Variants in COL19A1 observed in about 807,000 individuals in gnomAD.
The protein encoded by COL19A1 is collagen type XIX alpha 1 chain, also known as collagen alpha-1(XIX) chain.
A neutral mutation model predicts 190.2 loss-of-function variants in COL19A1; 159 were observed. The observed-to-expected ratio is 0.84, with a 90% confidence interval of 0.73 to 0.95. The LOEUF is 0.95. Among genes scored for constraint, COL19A1 ranks in the 40% least tolerant of loss-of-function variants. The pLI is 0.00. For synonymous variants in COL19A1, 509 were observed against 458.9 expected (o/e 1.11, Z -1.39); for missense variants, 1,418 against 1,431.9 (o/e 0.99, Z 0.16).
intron 11 of COL19A1, among the ~76,000 whole-genome samples, chr6:70,002,731 TA>T (rs1343040689): frequency 6.6e-6 from 1 of 151,346 alleles, no homozygotes; most frequent in African/African-American, 2.4e-5. Context: ...TGTCACTTTT[TA>T]TTGTGTCTAT....
At position 70,188,366 on chromosome 6, in the gene COL19A1, G is replaced by A. The variant is rs968051686; in HGVS notation, c.3027+121G>A. ...AACAAACCTAAACTGGTCCCCGTGAGGGCAATAATAGCTGTCATTTAAAGT... is the reference window on the plus strand; with the variant it reads ...AACAAACCTAAACTGGTCCCCGTGAAGGCAATAATAGCTGTCATTTAAAGT... On this transcript the variant is annotated intron_variant, in intron 47 of 50. Coordinates refer to ENST00000620364, the MANE Select transcript of COL19A1 (RefSeq NM_001858.6). 11 of 1,160,882 alleles carry A rather than the reference G, an allele frequency of 9.5e-6. No individual in the cohort carries two copies. In the African/African-American group the frequency reaches 1.7e-4, roughly 18 times the overall value. 71.9% of individuals were successfully genotyped at this position (1,160,882 alleles called of 1,614,324 possible).
chr6:69,987,888 G>A (rs570903046), intron 11 of COL19A1, among the ~76,000 whole-genome samples: 4 of 152,098 alleles, frequency 2.6e-5, no homozygotes, highest in African/African-American at 9.7e-5. Flanking sequence ...TACAGTAAAA[G>A]GGAAATGTGA....
chr6:70,158,556 CGTT>C (rs1331680800), intron 34 of COL19A1, among the ~76,000 whole-genome samples: 2 of 152,026 alleles, frequency 1.3e-5, no homozygotes, highest in Non-Finnish European at 2.9e-5. Flanking sequence ...TTTTCACAGA[CGTT>C]GTTGCACAGC....
At chr6:69,955,577 AAG>A (rs1343942216) in intron 9 of COL19A1, among the ~76,000 whole-genome samples, 6 of 91,590 alleles carry the variant, frequency 6.6e-5, no homozygotes, top group Non-Finnish European at 9.7e-5. Flanking sequence ...AAGAGAGAGA[AAG>A]AGAGAGAGAG....
chr6:70,069,178 A>G (rs1474298971), intron 15 of COL19A1, among the ~76,000 whole-genome samples: 2 of 152,152 alleles, frequency 1.3e-5, no homozygotes, highest in Non-Finnish European at 2.9e-5. Context: ...ACTAAATAGT[A>G]CAGGTACTGT....
chr6:70,043,162 A>G (rs1779716115), intron 14 of COL19A1, among the ~76,000 whole-genome samples: 1 of 150,966 alleles, frequency 6.6e-6, no homozygotes, highest in Non-Finnish European at 1.5e-5. Flanking sequence ...CTATCTATGC[A>G]GCTATAGCCT....
chr6:70,046,404 A>G (rs568298957), intron 14 of COL19A1, among the ~76,000 whole-genome samples: 142 of 152,300 alleles, frequency 9.3e-4, no homozygotes, highest in African/African-American at 3.3e-3. Context: ...ACAATGGCCT[A>G]CAAAGTCTTA....
intron 18 of COL19A1, among the ~76,000 whole-genome samples, chr6:70,135,017 T>C (rs1785759854): frequency 6.6e-6 from 1 of 152,198 alleles, no homozygotes; most frequent in Non-Finnish European, 1.5e-5. Context: ...TCGGGGTCCT[T>C]ATGACCCCGT....
At chr6:70,062,686 A>T (rs939896766) in intron 14 of COL19A1, among the ~76,000 whole-genome samples, 2 of 152,180 alleles carry the variant, frequency 1.3e-5, no homozygotes, top group Non-Finnish European at 2.9e-5. Context: ...ACAGACTGGC[A>T]AATTGGATAA....
At chr6:70,175,448 C>T (rs577047799) in intron 41 of COL19A1, among the ~76,000 whole-genome samples, 16 of 151,784 alleles carry the variant, frequency 1.1e-4, no homozygotes, top group African/African-American at 3.9e-4. Flanking sequence ...TTATATAAAT[C>T]TATGTGGAAT....
intron 3 of COL19A1, among the ~76,000 whole-genome samples, chr6:69,899,819 C>G (rs2149972549): frequency 6.6e-6 from 1 of 152,176 alleles, no homozygotes; most frequent in Non-Finnish European, 1.5e-5. Flanking sequence ...GTATGCATTT[C>G]CTGTCATCAA....
intron 12 of COL19A1, among the ~76,000 whole-genome samples, chr6:70,025,945 GAGA>G (rs1374529954): frequency 3.9e-5 from 6 of 152,206 alleles, no homozygotes; most frequent in South Asian, 2.1e-4. Context: ...CGTTCTGTGT[GAGA>G]AGGATACTAA....
chr6:69,903,553 C>T (rs575698660), intron 4 of COL19A1, among the ~76,000 whole-genome samples: 5 of 152,282 alleles, frequency 3.3e-5, no homozygotes, highest in Non-Finnish European at 7.4e-5. Context: ...GCCTGAAGGG[C>T]AGCATACGCA....
At chr6:70,023,220 G>A (rs1007902460) in intron 11 of COL19A1, among the ~76,000 whole-genome samples, 1 of 146,040 alleles carries the variant, frequency 6.8e-6, no homozygotes. Context: ...TGCAACCTCC[G>A]CCTCCCAGGT....
intron 18 of COL19A1, among the ~76,000 whole-genome samples, chr6:70,137,398 T>C (rs1255272411): frequency 1.3e-5 from 2 of 152,196 alleles, no homozygotes; most frequent in Admixed American, 1.3e-4. Context: ...TTTTCTCCTC[T>C]AGATAGATAT....
chr6:70,035,812 C>T lies in COL19A1; in HGVS notation c.1135-92C>T, dbSNP rs1779321859. 4.1e-6 allele frequency: 4 copies of T among 971,944 alleles called. No individual in the cohort carries two copies. The Admixed American group carries it at 8.9e-5, about 22-fold the overall frequency. The allele number at this position is 971,944 out of a possible 1,614,324, so 60.2% of individuals were successfully genotyped here. On this transcript the variant is annotated intron_variant, in intron 13 of 50. Coordinates refer to ENST00000620364, the MANE Select transcript of COL19A1 (RefSeq NM_001858.6). ...TATTTTTCTATTCTTCAAGATTTAT[C>T]TCTATATATTGCTTCTATCCACCTA...
At position 69,896,820 on chromosome 6, in the gene COL19A1, T is replaced by C. The variant is rs571289965; in HGVS notation, c.92-2128T>C. On this transcript the variant is annotated intron_variant, in intron 2 of 50. Coordinates refer to ENST00000620364, the MANE Select transcript of COL19A1 (RefSeq NM_001858.6). ...AAGTGTTTAAATCTTTTTGCACATTTTTAGAATAAGATTTTCAAGCTTTTT... is the reference window on the plus strand; with the variant it reads ...AAGTGTTTAAATCTTTTTGCACATTCTTAGAATAAGATTTTCAAGCTTTTT... Among the ~76,000 whole-genome samples the C allele has an allele frequency of 6.6e-5, 10 of 152,348 alleles. 1 individual carries two copies. In the South Asian group the frequency reaches 2.1e-3, roughly 32 times the overall value.
chr6:70,030,382 A>G (rs190332485), intron 12 of COL19A1, among the ~76,000 whole-genome samples: 105 of 152,292 alleles, frequency 6.9e-4, no homozygotes, highest in African/African-American at 2.4e-3. Flanking sequence ...TGAGGACCCC[A>G]GTGTACCCAG....
At chr6:69,934,257 T>A (rs1050649629) in intron 7 of COL19A1, among the ~76,000 whole-genome samples, 2 of 152,018 alleles carry the variant, frequency 1.3e-5, no homozygotes, top group African/African-American at 4.8e-5. Context: ...CAAATATCTT[T>A]CTATAAATAT....
Sources: allele counts gnomAD v4.1 joint callset (sites outside exome capture counted in the v4.1 genomes callset), GRCh38; gene constraint gnomAD v4.1.1; transcripts MANE v1.5; gene names NCBI Gene and HGNC (gene_info 2026-07-23, HGNC 2026-07-21).